RPRD2: variants seen among roughly 807,000 people sequenced by gnomAD.
RPRD2 encodes the protein regulation of nuclear pre-mRNA domain-containing protein 2.
In RPRD2, 12 loss-of-function variants were observed where a neutral mutation model predicts 104.4. That is an observed-to-expected ratio of 0.11 (90% CI 0.07 to 0.19). RPRD2 has a LOEUF of 0.19. Among genes scored for constraint, RPRD2 ranks in the 10% least tolerant of loss-of-function variants. The pLI is 1.00. For synonymous variants in RPRD2, 714 were observed against 684.9 expected (o/e 1.04, Z -0.66); for missense variants, 1,543 against 1,790.1 (o/e 0.86, Z 2.49).
intron 1 of RPRD2, among the ~76,000 whole-genome samples, chr1:150,381,236 A>G (rs1661102646): frequency 6.6e-6 from 1 of 150,980 alleles, no homozygotes; most frequent in Non-Finnish European, 1.5e-5. Flanking sequence ...CAGCCTGGGC[A>G]ACATAGTGAG....
chr1:150,377,297 G>A (rs978796945), intron 1 of RPRD2, among the ~76,000 whole-genome samples: 1 of 151,602 alleles, frequency 6.6e-6, no homozygotes, highest in Non-Finnish European at 1.5e-5. Context: ...GGAATTATAA[G>A]GAACTTAACA....
At chr1:150,443,104 A>G in intron 4 of RPRD2, 127 bp from the exon 5 acceptor site, 3 of 625,022 alleles carry the variant, frequency 4.8e-6, no homozygotes, top group South Asian at 2.0e-5. Context: ...TATTTTAGGA[A>G]TTATGACTTA....
chr1:150,395,366 TGTG>T (rs1662428188), intron 1 of RPRD2, among the ~76,000 whole-genome samples: 1 of 14,670 alleles, frequency 6.8e-5, no homozygotes, highest in Non-Finnish European at 1.7e-4. Context: ...AGTATTCCAT[TGTG>T]TGTGTGTGTG....
intron 10 of RPRD2, among the ~76,000 whole-genome samples, chr1:150,465,034 A>C (rs1553899629): frequency 6.6e-6 from 1 of 151,774 alleles, no homozygotes; most frequent in Non-Finnish European, 1.5e-5. Context: ...ATGTCTGGCT[A>C]ATTTTTGTAT....
chr1:150,415,160 C>T (rs1553888334), intron 1 of RPRD2, among the ~76,000 whole-genome samples: 1 of 151,934 alleles, frequency 6.6e-6, no homozygotes, highest in African/African-American at 2.4e-5. Flanking sequence ...GAAACTCCAT[C>T]TCTACTAAAA....
chr1:150,457,693 G>A (rs1251138513), intron 8 of RPRD2, 123 bp downstream of exon 8: 3 of 839,352 alleles, frequency 3.6e-6, no homozygotes, highest in African/African-American at 3.4e-5. Flanking sequence ...CACCAAGGTA[G>A]CATTATAATC....
At chr1:150,425,721 T>C (rs1665077585) in intron 2 of RPRD2, among the ~76,000 whole-genome samples, 1 of 152,156 alleles carries the variant, frequency 6.6e-6, no homozygotes, top group Non-Finnish European at 1.5e-5. Context: ...ATGATATAAT[T>C]AGGGGCAAAG....
intron 1 of RPRD2, among the ~76,000 whole-genome samples, chr1:150,379,031 C>T (rs149163968): frequency 0.02 from 2,962 of 148,404 alleles, 122 homozygotes; most frequent in African/African-American, 0.07. Flanking sequence ...GCCTGTAATC[C>T]CAGTACTTTG....
At chr1:150,441,157 ATATT>A (rs1191768887) in intron 3 of RPRD2, 134 bp downstream of exon 3, 6 of 513,112 alleles carry the variant, frequency 1.2e-5, no homozygotes, top group African/African-American at 2.0e-5. Context: ...TTAAAGTTAA[ATATT>A]TATGAAAAAT....
At chr1:150,455,629 T>TAAAAAAAAA (rs59418711) in intron 7 of RPRD2, among the ~76,000 whole-genome samples, 1 of 141,190 alleles carries the variant, frequency 7.1e-6, no homozygotes, top group Non-Finnish European at 1.5e-5. Flanking sequence ...GGACATTAGG[T>TAAAAAAAAA]AAAAAAAAAA....
At chr1:150,375,010 CTT>C (rs34418501) in intron 1 of RPRD2, among the ~76,000 whole-genome samples, 131 of 143,608 alleles carry the variant, frequency 9.1e-4, no homozygotes, top group African/African-American at 3.0e-3. Context: ...CCTAAGTCAC[CTT>C]TTTTTTTTTT....
chr1:150,410,136 G>A (rs1281488323), intron 1 of RPRD2, among the ~76,000 whole-genome samples: 2 of 152,094 alleles, frequency 1.3e-5, no homozygotes. Flanking sequence ...AGACAGCAAG[G>A]TGGCCTCTGT....
At chr1:150,449,744 T>C (rs994457140) in intron 7 of RPRD2, among the ~76,000 whole-genome samples, 27 of 152,182 alleles carry the variant, frequency 1.8e-4, no homozygotes, top group Non-Finnish European at 3.4e-4. Flanking sequence ...GACTTCAACA[T>C]ATGAGTCAGG....
intron 7 of RPRD2, among the ~76,000 whole-genome samples, chr1:150,455,302 G>A (rs1340893883): frequency 1.3e-5 from 2 of 152,154 alleles, no homozygotes; most frequent in Non-Finnish European, 2.9e-5. Flanking sequence ...AGCAGTTCAA[G>A]ACCAGCCTGG....
chr1:150,390,324 A>G (rs1418038206), intron 1 of RPRD2, among the ~76,000 whole-genome samples: 2 of 152,058 alleles, frequency 1.3e-5, no homozygotes, highest in Admixed American at 6.6e-5. Context: ...GTGAAACTCC[A>G]TCTCTACTAA....
At chr1:150,412,774 C>T (rs939949657) in intron 1 of RPRD2, among the ~76,000 whole-genome samples, 9 of 152,136 alleles carry the variant, frequency 5.9e-5, no homozygotes, top group Non-Finnish European at 1.3e-4. Context: ...ACTTCCCTAC[C>T]TTGCTCCCCT....
At chr1:150,389,480 C>A (rs1661894522) in intron 1 of RPRD2, among the ~76,000 whole-genome samples, 1 of 152,088 alleles carries the variant, frequency 6.6e-6, no homozygotes, top group African/African-American at 2.4e-5. Context: ...TGGAGGAAGA[C>A]CACAGAGGTA....
In RPRD2 at chr1:150,471,385, C is replaced by T. The variant is rs779599255; in HGVS notation, c.2437C>T (p.Leu813=). Reference sequence around the variant, plus strand: ...TGATGGAATGGAGAGACCATCTTCCCTGATGGACTCTTCACAGGAAAAGTT... The same window carrying T: ...TGATGGAATGGAGAGACCATCTTCCTTGATGGACTCTTCACAGGAAAAGTT... ...PSDGMERPSS[L]MDSSQEKFYP... The change falls in exon 11 of 11, where the codon CTG becomes TTG. Residue 813 remains leucine (L), a synonymous_variant. Transcript: ENST00000369068. This position sits in a 1 kb window ranked among gnomAD's most constrained non-coding sequence, Gnocchi z 5.3. The T allele has an allele frequency of 1.2e-6, 2 of 1,613,800 alleles. No individual in the cohort carries two copies. Among genetic ancestry groups the T allele is most frequent in the African/African-American group, 1.3e-5 (1 of 75,010 alleles).
At chr1:150,430,190 G>T (rs782031012) in intron 2 of RPRD2, among the ~76,000 whole-genome samples, 6 of 152,138 alleles carry the variant, frequency 3.9e-5, no homozygotes, top group Non-Finnish European at 7.3e-5. Flanking sequence ...GGAATTATCA[G>T]ACAGAATGTG....
Sources: allele counts gnomAD v4.1 joint callset (sites outside exome capture counted in the v4.1 genomes callset), GRCh38; gene constraint gnomAD v4.1.1; non-coding constraint Gnocchi (gnomAD v3.1); transcripts MANE v1.5; gene names NCBI Gene and HGNC (gene_info 2026-07-23, HGNC 2026-07-21).